VAV3: variants seen among roughly 807,000 people sequenced by gnomAD.
VAV3 encodes the protein vav guanine nucleotide exchange factor 3.
Under a neutral mutation model 131.2 loss-of-function variants are expected in VAV3, and 94 were observed. The ratio of observed to expected loss-of-function variants is 0.72; its 90% CI spans 0.61 to 0.85. VAV3 has a LOEUF of 0.85. VAV3 is among the 40% of genes least tolerant of loss of function. The pLI is 0.00. For synonymous variants in VAV3, 349 were observed against 342.0 expected (o/e 1.02, Z -0.22); for missense variants, 939 against 1,002.7 (o/e 0.94, Z 0.86).
chr1:107,578,446 T>C (rs1176614688), intron 25 of VAV3, among the ~76,000 whole-genome samples: 1 of 152,216 alleles, frequency 6.6e-6, no homozygotes, highest in Non-Finnish European at 1.5e-5. Context: ...GAGGACAGGA[T>C]GCCACCTCCA....
At chr1:107,964,044 G>A (rs1482817091) in intron 1 of VAV3, among the ~76,000 whole-genome samples, 3 of 152,170 alleles carry the variant, frequency 2.0e-5, no homozygotes, top group Non-Finnish European at 2.9e-5. Flanking sequence ...GGCTGGACTC[G>A]CTCCTTCTCA....
At chr1:107,859,521 T>C (rs1418039896) in intron 2 of VAV3, among the ~76,000 whole-genome samples, 1 of 152,228 alleles carries the variant, frequency 6.6e-6, no homozygotes, top group Non-Finnish European at 1.5e-5. Context: ...AAAATACTTG[T>C]AAACTGTTTA....
At chr1:107,650,689 T>C (rs911390138) in intron 19 of VAV3, among the ~76,000 whole-genome samples, 15 of 147,578 alleles carry the variant, frequency 1.0e-4, no homozygotes, top group Middle Eastern at 3.4e-3. Flanking sequence ...AGGTATATCT[T>C]CTAATGCTAT....
At position 107,874,940 on chromosome 1, in the gene VAV3, G is replaced by C; in HGVS notation, c.282C>G (p.Phe94Leu). Residue 94 changes from phenylalanine to leucine, a missense_variant, in exon 2 of 27, where the codon TTC becomes TTG. Phe to Leu is a conservative substitution (Grantham distance 22). Transcript: ENST00000370056. ...GAACATCAAACAAGTCAAATGCCTC[G>C]AAAAGTTCACTTTTCCTCATTCCAA... ...ETFGMRKSEL[F>L]EAFDLFDVRD... 2 of 1,613,294 alleles carry C rather than the reference G, an allele frequency of 1.2e-6. No individual in the cohort carries two copies. Among genetic ancestry groups the C allele is most frequent in the Non-Finnish European group, 8.5e-7 (1 of 1,179,542 alleles).
At chr1:107,745,076 T>C (rs551020244) in intron 15 of VAV3, among the ~76,000 whole-genome samples, 190 of 152,296 alleles carry the variant, frequency 1.2e-3, no homozygotes, top group Non-Finnish European at 2.1e-3. Context: ...AACATTGCTA[T>C]AGGCAGTTAT....
At chr1:107,891,904 T>C (rs1318189302) in intron 1 of VAV3, among the ~76,000 whole-genome samples, 2 of 139,286 alleles carry the variant, frequency 1.4e-5, no homozygotes, top group African/African-American at 5.2e-5. Flanking sequence ...AAGTCACCCA[T>C]CCACTAGCTA....
At chr1:107,686,034 T>TGGGGGGGGTGGGGGGGGGG (rs554715740) in intron 18 of VAV3, 1 of 85,086 alleles carries the variant, frequency 1.2e-5, no homozygotes, top group Non-Finnish European at 2.3e-5. Context: ...GTTGGGGGGG[T>TGGGGGGGGTGGGGGGGGGG]GGGGGGGGAG....
At chr1:107,610,422 C>T (rs1457588312) in intron 21 of VAV3, among the ~76,000 whole-genome samples, 1 of 151,768 alleles carries the variant, frequency 6.6e-6, no homozygotes, top group Non-Finnish European at 1.5e-5. Flanking sequence ...GCAATTTAAT[C>T]TTATCAAAGA....
intron 2 of VAV3, among the ~76,000 whole-genome samples, chr1:107,874,016 G>A (rs764847098): frequency 6.6e-6 from 1 of 152,134 alleles, no homozygotes; most frequent in Non-Finnish European, 1.5e-5. Flanking sequence ...TTAAAACAAT[G>A]TATACTCTCA....
chr1:107,765,491 T>C (rs923866613), intron 8 of VAV3, among the ~76,000 whole-genome samples: 1 of 152,180 alleles, frequency 6.6e-6, no homozygotes, highest in Admixed American at 6.5e-5. Context: ...AAAAACAAAA[T>C]TAAAAATTTC....
In VAV3 at chr1:107,688,351, T is replaced by A. The variant is rs1448961125; in HGVS notation, c.1731+30A>T. On this transcript the variant is annotated intron_variant, in intron 18 of 26. Transcript: ENST00000370056. ...AGCAAACAACTTGAAATGCAAAGGT[T>A]ATAAAAAATATTTAAAATGTTAATC... is the stretch of plus-strand genomic sequence containing the variant. The A allele has an allele frequency of 6.2e-6, 10 of 1,608,494 alleles. No homozygotes were observed. In the African/African-American group the frequency reaches 6.7e-5, roughly 11 times the overall value.
intron 1 of VAV3, among the ~76,000 whole-genome samples, chr1:107,919,936 G>A (rs1185215137): frequency 6.6e-6 from 1 of 151,968 alleles, no homozygotes; most frequent in African/African-American, 2.4e-5. Flanking sequence ...AATTAACACT[G>A]GTTTTCATCA....
intron 19 of VAV3, among the ~76,000 whole-genome samples, chr1:107,666,083 A>G (rs1657388615): frequency 6.6e-6 from 1 of 152,074 alleles, no homozygotes; most frequent in Admixed American, 6.5e-5. Flanking sequence ...TTATGCCAGT[A>G]TTTTCACCAC....
chr1:107,737,798 G>A (rs12033874), intron 15 of VAV3, among the ~76,000 whole-genome samples: 1,602 of 152,272 alleles, frequency 0.011, 23 homozygotes, highest in South Asian at 0.048. Context: ...ACAGTGTGGC[G>A]ATTCCTCAAT....
rs951623326 is a variant in VAV3 at position 107,876,036 on chromosome 1, A to G, written c.205-1019T>C. Among the ~76,000 whole-genome samples the G allele has an allele frequency of 3.9e-5, 6 of 152,300 alleles. 1 individual carries two copies. Among genetic ancestry groups the G allele is most frequent in the African/African-American group, 7.2e-5 (3 of 41,562 alleles). ...AGAAGAGGAGAGTACCTGAGCCAGG[A>G]AACTTTAAAGGATCAGGAAAAGAGG... is the stretch of plus-strand genomic sequence containing the variant. On this transcript the variant is annotated intron_variant, in intron 1 of 26. Coordinates refer to ENST00000370056, the MANE Select transcript of VAV3 (RefSeq NM_006113.5).
intron 2 of VAV3, among the ~76,000 whole-genome samples, chr1:107,798,348 T>C (rs6686757): frequency 0.31 from 46,894 of 151,828 alleles, 7,653 homozygotes; most frequent in African/African-American, 0.42. Flanking sequence ...TCAAGGTGGC[T>C]CCTGCTCCCA....
intron 12 of VAV3, among the ~76,000 whole-genome samples, chr1:107,753,770 G>C (rs1663928994): frequency 6.6e-6 from 1 of 151,790 alleles, no homozygotes; most frequent in African/African-American, 2.4e-5. Context: ...ATGTTGGTCA[G>C]TCTGGTCTTA....
At chr1:107,956,300 A>G (rs1674809676) in intron 1 of VAV3, among the ~76,000 whole-genome samples, 1 of 152,216 alleles carries the variant, frequency 6.6e-6, no homozygotes. Flanking sequence ...GGTAGTACAG[A>G]GTGATCTGGA....
chr1:107,739,459 G>T (rs955609082), intron 15 of VAV3, among the ~76,000 whole-genome samples: 6 of 152,112 alleles, frequency 3.9e-5, no homozygotes, highest in African/African-American at 1.4e-4. Flanking sequence ...TAGATTCAGG[G>T]AGAGTTGAGC....
Sources: gnomAD v4.1 joint callset for allele counts (sites outside exome capture counted in the v4.1 genomes callset) on GRCh38, gnomAD v4.1.1 for gene constraint, MANE v1.5 for transcripts, NCBI Gene and HGNC (gene_info 2026-07-23, HGNC 2026-07-21) for gene names.